CLIC2: variants seen among roughly 807,000 people sequenced by gnomAD.
The protein encoded by CLIC2 is CLIC family member 2.
A neutral mutation model predicts 14.8 loss-of-function variants in CLIC2; 9 were observed. The observed-to-expected ratio is 0.61, with a 90% CI of 0.37 to 1.06. The LOEUF (loss-of-function observed/expected upper bound fraction) is 1.06. Ranked by LOEUF, CLIC2 falls within the 50% of genes least tolerant of loss-of-function variation. CLIC2 has a pLI of 0.01. For synonymous variants in CLIC2, 61 were observed against 66.3 expected (o/e 0.92, Z 0.39); for missense variants, 148 against 181.4 (o/e 0.82, Z 1.06).
chrX:155,316,240 T>G (rs782495020), intron 1 of CLIC2, among the ~76,000 whole-genome samples: 1 of 111,803 alleles, frequency 8.9e-6, no homozygotes, highest in African/African-American at 3.2e-5. Context: ...ACCATCAACT[T>G]AAACTATACC....
chrX:155,292,288 C>T, intron 3 of CLIC2: 1 of 570,835 alleles, frequency 1.8e-6, no homozygotes, highest in Non-Finnish European at 3.2e-6. Context: ...AGCCAAATGT[C>T]ATTACTGAAA....
chrX:155,291,275 C>T, intron 3 of CLIC2: 3 of 919,495 alleles, frequency 3.3e-6, no homozygotes, highest in Non-Finnish European at 4.7e-6. Context: ...CATAAGTTGC[C>T]CATTTTCAAT....
Position 155,279,333 on chromosome X carries a change from G to T in CLIC2, c.401-3C>A, listed in dbSNP as rs782538693. The stretch of plus-strand genomic sequence containing the variant: ...TTTGAGCAGAGATTTTTCAAAATCT[G>T]AGGCAATGAAGTAATAGAGTTACTT... On this transcript the variant is annotated splice_polypyrimidine_tract_variant and splice_region_variant and intron_variant, in intron 4 of 5. Transcript: ENST00000369449. 2.5e-6 allele frequency: 3 copies of T among 1,186,336 alleles called. No homozygotes were observed. Among genetic ancestry groups the T allele is most frequent in the South Asian group, 3.5e-5 (2 of 56,411 alleles).
At chrX:155,330,702 C>A (rs2075153921) in intron 1 of CLIC2, among the ~76,000 whole-genome samples, 1 of 110,881 alleles carries the variant, frequency 9.0e-6, no homozygotes, top group African/African-American at 3.3e-5. Flanking sequence ...TGATATTATG[C>A]AGAGGTTGCA....
chrX:155,322,644 C>A lies in CLIC2; in HGVS notation c.57+11727G>T, dbSNP rs781847578. Among the ~76,000 whole-genome samples the A allele has an allele frequency of 1.4e-4, 16 of 111,552 alleles. No homozygotes were observed. In the East Asian group the frequency reaches 4.2e-3, roughly 29 times the overall value. Reference sequence around the variant, plus strand: ...CAGCCTAACATCACAATTAAAAGAACTAGAGAAGCAAGAGCAAACAAATTC... The same window carrying A: ...CAGCCTAACATCACAATTAAAAGAAATAGAGAAGCAAGAGCAAACAAATTC... On this transcript the variant is annotated intron_variant, in intron 1 of 5. Coordinates refer to ENST00000369449, the MANE Select transcript of CLIC2 (RefSeq NM_001289.6).
chrX:155,292,962 C>T (rs1305480813), intron 3 of CLIC2: 45 of 1,044,843 alleles, frequency 4.3e-5, no homozygotes, highest in Non-Finnish European at 6.0e-5. Context: ...TGGCTCTCAT[C>T]CCCGGACAGT....
chrX:155,303,103 G>GT (rs1224341827), intron 1 of CLIC2, among the ~76,000 whole-genome samples: 4 of 96,658 alleles, frequency 4.1e-5, no homozygotes, highest in African/African-American at 1.5e-4. Context: ...GGTCCCCTTG[G>GT]TGCAGAGCCG....
intron 1 of CLIC2, among the ~76,000 whole-genome samples, chrX:155,304,167 G>A (rs1425222634): frequency 1.8e-5 from 2 of 108,481 alleles, no homozygotes; most frequent in East Asian, 2.9e-4. Flanking sequence ...ATAATATCCC[G>A]CAGAGTGTTT....
At chrX:155,332,564 T>C (rs2075160353) in intron 1 of CLIC2, among the ~76,000 whole-genome samples, 1 of 112,084 alleles carries the variant, frequency 8.9e-6, no homozygotes, top group Non-Finnish European at 1.9e-5. Context: ...ATTCTAACTC[T>C]GCCACTAACT....
At chrX:155,293,530 A>G in intron 3 of CLIC2, 1 of 453,261 alleles carries the variant, frequency 2.2e-6, no homozygotes, top group Non-Finnish European at 3.8e-6. Context: ...GAATATACAA[A>G]ACAACCAGAA....
chrX:155,288,882 C>T (rs1349981743), intron 3 of CLIC2, among the ~76,000 whole-genome samples: 5 of 111,265 alleles, frequency 4.5e-5, no homozygotes, highest in African/African-American at 1.6e-4. Context: ...CAGTGGCTCA[C>T]ACCTGTAATC....
At chrX:155,294,004 T>C (rs1399654136) in intron 3 of CLIC2, among the ~76,000 whole-genome samples, 1 of 111,881 alleles carries the variant, frequency 8.9e-6, no homozygotes, top group Non-Finnish European at 1.9e-5. Context: ...ATAGATAATC[T>C]AGACAGAAAA....
At chrX:155,329,545 C>A (rs936930546) in intron 1 of CLIC2, among the ~76,000 whole-genome samples, 3 of 107,865 alleles carry the variant, frequency 2.8e-5, no homozygotes, top group African/African-American at 1.0e-4. Context: ...CAAACGCTGG[C>A]GAGGATATAG....
chrX:155,316,316 C>A (rs782564740), intron 1 of CLIC2, among the ~76,000 whole-genome samples: 4 of 112,088 alleles, frequency 3.6e-5, no homozygotes, highest in South Asian at 7.3e-4. Flanking sequence ...AATATACATT[C>A]TATTTATCAA....
intron 1 of CLIC2, among the ~76,000 whole-genome samples, chrX:155,300,802 C>T (rs1226232614): frequency 1.1e-5 from 1 of 91,108 alleles, no homozygotes; most frequent in African/African-American, 3.7e-5. Flanking sequence ...ATATGGCTAG[C>T]CAGTTTTCCC....
Position 155,277,698 on chromosome X carries a change from A to G in CLIC2, c.*205T>C. The G allele has an allele frequency of 5.0e-6, 2 of 396,933 alleles. No homozygotes were observed. Among genetic ancestry groups the G allele is most frequent in the South Asian group, 7.5e-5 (2 of 26,531 alleles). The allele number at this position is 396,933 out of a possible 1,213,427, so 32.7% of individuals were successfully genotyped here. ...GATTGCAGTGGTTTGCCATACAGATAAAGAAAATTAAGTAAAAGTATGAAG... is the reference window on the plus strand; with the variant it reads ...GATTGCAGTGGTTTGCCATACAGATGAAGAAAATTAAGTAAAAGTATGAAG... On this transcript the variant is annotated 3_prime_UTR_variant, in exon 6 of 6. Coordinates refer to ENST00000369449, the MANE Select transcript of CLIC2 (RefSeq NM_001289.6).
chrX:155,298,724 C>T lies in CLIC2; in HGVS notation c.293+61G>A, dbSNP rs868937658. 37 of 1,165,937 alleles carry T rather than the reference C, an allele frequency of 3.2e-5. No homozygotes were observed. In the South Asian group the frequency reaches 4.5e-4, roughly 14 times the overall value. ...TAAATTGGTAAGAATACTAAATCTG[C>T]AATAAACAAGCCAGTAAAATAGATT... On this transcript the variant is annotated intron_variant, in intron 3 of 5. Transcript: ENST00000369449.
intron 3 of CLIC2, chrX:155,292,595 C>A (rs1557317766): frequency 9.2e-6 from 3 of 324,709 alleles, no homozygotes; most frequent in East Asian, 5.4e-5. Flanking sequence ...ACGGTGAAAC[C>A]CCGTCTCTAC....
intron 5 of CLIC2, 111 bp downstream of exon 5, chrX:155,279,038 T>G (rs192954638): frequency 1.0e-5 from 6 of 601,138 alleles, no homozygotes; most frequent in Admixed American, 2.3e-5. Context: ...ATGATGATGA[T>G]GATAATGACA....
Sources: allele counts gnomAD v4.1 joint callset (sites outside exome capture counted in the v4.1 genomes callset), GRCh38; gene constraint gnomAD v4.1.1; transcripts MANE v1.5; gene names NCBI Gene and HGNC (gene_info 2026-07-23, HGNC 2026-07-21).